NTM: variants seen among roughly 807,000 people sequenced by gnomAD.
NTM encodes the protein IgLON family member 2.
Under a neutral mutation model 42.1 loss-of-function variants are expected in NTM, and 13 were observed. The ratio of observed to expected loss-of-function variants is 0.31; its 90% confidence interval spans 0.20 to 0.49. The LOEUF (loss-of-function observed/expected upper bound fraction) is 0.49. Among genes scored for constraint, NTM ranks in the 20% least tolerant of loss-of-function variants. The pLI, the probability that NTM is intolerant of heterozygous loss-of-function variation, is 0.99. For synonymous variants in NTM, 187 were observed against 179.2 expected (o/e 1.04, Z -0.35); for missense variants, 373 against 452.8 (o/e 0.82, Z 1.60).
intron 4 of NTM, among the ~76,000 whole-genome samples, chr11:132,259,108 C>T (rs1390502869): frequency 6.6e-6 from 1 of 152,166 alleles, no homozygotes; most frequent in Non-Finnish European, 1.5e-5. Context: ...GCTGTGGGAG[C>T]AGGCTGATGA....
chr11:131,532,855 C>A (rs2051501355), intron 1 of NTM, among the ~76,000 whole-genome samples: 1 of 151,994 alleles, frequency 6.6e-6, no homozygotes, highest in African/African-American at 2.4e-5. Flanking sequence ...GTGTTTATGG[C>A]CTGGTATGTA....
At chr11:132,166,676 T>G (rs1591959747) in intron 3 of NTM, among the ~76,000 whole-genome samples, 3 of 152,332 alleles carry the variant, frequency 2.0e-5, no homozygotes, top group Admixed American at 2.0e-4. Context: ...TCCTACTAAG[T>G]GCAAGCCACT....
chr11:131,438,338 G>T (rs1177440763), intron 1 of NTM, among the ~76,000 whole-genome samples: 1 of 151,700 alleles, frequency 6.6e-6, no homozygotes. Flanking sequence ...GCCTTGCTAG[G>T]TTGGGGAAGT....
chr11:131,781,394 G>T (rs2088093790), intron 1 of NTM, among the ~76,000 whole-genome samples: 1 of 151,564 alleles, frequency 6.6e-6, no homozygotes, highest in African/African-American at 2.4e-5. Flanking sequence ...TGTTTCCTCA[G>T]TTGAATAAAC....
At chr11:131,614,935 C>T (rs764218966) in intron 1 of NTM, among the ~76,000 whole-genome samples, 1 of 152,204 alleles carries the variant, frequency 6.6e-6, no homozygotes, top group African/African-American at 2.4e-5. Flanking sequence ...CTGGCTGGCT[C>T]GCCAAGCTCA....
chr11:132,025,901 C>G (rs1434153260), intron 2 of NTM, among the ~76,000 whole-genome samples: 1 of 152,258 alleles, frequency 6.6e-6, no homozygotes, highest in East Asian at 1.9e-4. Flanking sequence ...AAGCAACCTC[C>G]CAGCTTTGCA....
intron 4 of NTM, among the ~76,000 whole-genome samples, chr11:132,216,202 A>G (rs1816999): frequency 0.36 from 54,429 of 152,180 alleles, 10,387 homozygotes; most frequent in Middle Eastern, 0.54. Context: ...ATCTCTTTCA[A>G]TATACTCCAA....
At chr11:131,483,473 TC>T (rs1375195071) in intron 1 of NTM, among the ~76,000 whole-genome samples, 1 of 152,130 alleles carries the variant, frequency 6.6e-6, no homozygotes, top group Non-Finnish European at 1.5e-5. Context: ...AAGAAGCAGC[TC>T]CACTCGGAGT....
chr11:131,431,308 G>A (rs1362700923), intron 1 of NTM, among the ~76,000 whole-genome samples: 3 of 152,104 alleles, frequency 2.0e-5, no homozygotes, highest in Admixed American at 6.6e-5. Flanking sequence ...TGAGGGCACC[G>A]GTCCTTGGTA....
chr11:131,578,439 A>G (rs959068219), intron 1 of NTM, among the ~76,000 whole-genome samples: 1 of 152,182 alleles, frequency 6.6e-6, no homozygotes, highest in Middle Eastern at 3.2e-3. Context: ...GCATTTAGGG[A>G]CAAGGTGGAT....
At chr11:132,083,587 T>A (rs1477539210) in intron 2 of NTM, among the ~76,000 whole-genome samples, 4 of 152,208 alleles carry the variant, frequency 2.6e-5, no homozygotes. Context: ...TGACATTCTT[T>A]ACTCACCACA....
At chr11:132,108,542 C>T (rs1026639027) in intron 2 of NTM, among the ~76,000 whole-genome samples, 6 of 151,878 alleles carry the variant, frequency 4.0e-5, no homozygotes, top group African/African-American at 7.3e-5. Flanking sequence ...GGAAGGGTGG[C>T]GGGGCGAGGA....
At chr11:132,236,481 C>T (rs187631020) in intron 4 of NTM, among the ~76,000 whole-genome samples, 5 of 152,290 alleles carry the variant, frequency 3.3e-5, no homozygotes, top group Admixed American at 2.6e-4. Context: ...GAGGAATATA[C>T]ACCTCTAAAA....
At chr11:131,388,742 T>G (rs1943630699) in intron 1 of NTM, among the ~76,000 whole-genome samples, 1 of 152,000 alleles carries the variant, frequency 6.6e-6, no homozygotes, top group South Asian at 2.1e-4. Context: ...CCTGGAGTGG[T>G]GGCTCCTGCC....
chr11:132,056,359 A>G (rs982410994), intron 2 of NTM, among the ~76,000 whole-genome samples: 2 of 152,342 alleles, frequency 1.3e-5, no homozygotes, highest in Admixed American at 1.3e-4. Flanking sequence ...ACTTGTATAC[A>G]TTGATAAATT....
intron 4 of NTM, among the ~76,000 whole-genome samples, chr11:132,258,251 C>T (rs912163100): frequency 7.9e-5 from 12 of 152,214 alleles, no homozygotes; most frequent in Non-Finnish European, 1.5e-4. Context: ...AAACTCTGTC[C>T]TCATCTCAGT....
chr11:131,913,552 G>A (rs1037743522), intron 2 of NTM, among the ~76,000 whole-genome samples: 9 of 152,240 alleles, frequency 5.9e-5, no homozygotes, highest in Admixed American at 2.0e-4. Context: ...TTTTGAAATC[G>A]CGTTATCATG....
chr11:131,389,025 AAAAG>A (rs1187343832), intron 1 of NTM, among the ~76,000 whole-genome samples: 9 of 15,648 alleles, frequency 5.8e-4, no homozygotes, highest in Non-Finnish European at 1.0e-3. Flanking sequence ...AAAAAAAAAA[AAAAG>A]AAAAGAAAAG....
At chr11:131,925,697 A>C (rs2057855888) in intron 2 of NTM, among the ~76,000 whole-genome samples, 1 of 152,128 alleles carries the variant, frequency 6.6e-6, no homozygotes, top group Non-Finnish European at 1.5e-5. Context: ...CCAGAGTTCC[A>C]AGCCTTGAAG....
Sources: allele counts gnomAD v4.1 joint callset (sites outside exome capture counted in the v4.1 genomes callset), GRCh38; gene constraint gnomAD v4.1.1; transcripts MANE v1.5; gene names NCBI Gene and HGNC (gene_info 2026-07-23, HGNC 2026-07-21).